The following CDKAL1 variants were observed in gnomAD, a reference collection of about 807,000 sequenced individuals.
CDKAL1 encodes threonylcarbamoyladenosine tRNA methylthiotransferase.
Under a neutral mutation model 68.2 loss-of-function variants are expected in CDKAL1, and 32 were observed. That is an observed-to-expected ratio of 0.47 (90% CI 0.35 to 0.63). The LOEUF is 0.63. CDKAL1 is among the 30% of genes least tolerant of loss of function. The pLI, the probability that CDKAL1 is intolerant of heterozygous loss-of-function variation, is 0.00. For missense variants in CDKAL1, 606 were observed against 696.7 expected, an observed-to-expected ratio of 0.87 and a Z score of 1.47; for synonymous variants, 234 against 244.3, an observed-to-expected ratio of 0.96 and a Z score of 0.39.
At chr6:21,196,480 A>T (rs1778474672) in intron 13 of CDKAL1, among the ~76,000 whole-genome samples, 1 of 152,206 alleles carries the variant, frequency 6.6e-6, no homozygotes, top group Non-Finnish European at 1.5e-5. Flanking sequence ...TCAGACAGTG[A>T]AAAGAGTCTT....
At chr6:20,798,102 G>A (rs923401087) in intron 8 of CDKAL1, among the ~76,000 whole-genome samples, 1 of 151,892 alleles carries the variant, frequency 6.6e-6, no homozygotes, top group Non-Finnish European at 1.5e-5. Context: ...AGGTTTGTAA[G>A]CCACCTCACC....
intron 11 of CDKAL1, among the ~76,000 whole-genome samples, chr6:21,006,033 G>C (rs886556406): frequency 2.6e-5 from 4 of 152,110 alleles, no homozygotes. Context: ...GACTGTGAGT[G>C]AGTCATTGAG....
At chr6:20,545,511 A>G (rs986285177) in intron 2 of CDKAL1, among the ~76,000 whole-genome samples, 3 of 151,994 alleles carry the variant, frequency 2.0e-5, no homozygotes, top group Non-Finnish European at 4.4e-5. Context: ...CTCTCGACTC[A>G]CTGCAACCTC....
At chr6:20,849,522 G>T (rs561933192) in intron 9 of CDKAL1, among the ~76,000 whole-genome samples, 43 of 147,082 alleles carry the variant, frequency 2.9e-4, no homozygotes, top group Non-Finnish European at 5.5e-4. Flanking sequence ...GGCGGAGCTT[G>T]CAGTGAGCTG....
chr6:20,918,597 C>T (rs547038337), intron 9 of CDKAL1, among the ~76,000 whole-genome samples: 63 of 152,258 alleles, frequency 4.1e-4, no homozygotes, highest in African/African-American at 1.5e-3. Flanking sequence ...TATGATTCTA[C>T]CTAGATGTAA....
intron 9 of CDKAL1, among the ~76,000 whole-genome samples, chr6:20,910,557 T>C (rs1762425230): frequency 6.6e-6 from 1 of 152,184 alleles, no homozygotes; most frequent in South Asian, 2.1e-4. Flanking sequence ...GGAATTAGAT[T>C]AGAGTTCTCT....
At chr6:20,574,604 A>G (rs967911728) in intron 4 of CDKAL1, among the ~76,000 whole-genome samples, 2 of 152,140 alleles carry the variant, frequency 1.3e-5, no homozygotes, top group Non-Finnish European at 2.9e-5. Flanking sequence ...CATGACCTAC[A>G]TTAAAAGAGC....
intron 7 of CDKAL1, among the ~76,000 whole-genome samples, chr6:20,762,233 G>A (rs1203972178): frequency 4.6e-5 from 7 of 152,132 alleles, no homozygotes; most frequent in Non-Finnish European, 1.0e-4. Flanking sequence ...ACTGATGAGC[G>A]TGGACTTGAG....
intron 10 of CDKAL1, among the ~76,000 whole-genome samples, chr6:20,991,658 G>A (rs1229726365): frequency 7.3e-6 from 1 of 136,632 alleles, no homozygotes; most frequent in Non-Finnish European, 1.5e-5. Flanking sequence ...AGCGAACGGA[G>A]ATTGTGCCAC....
chr6:20,631,639 T>C (rs536090168), intron 4 of CDKAL1, among the ~76,000 whole-genome samples: 1 of 152,300 alleles, frequency 6.6e-6, no homozygotes, highest in South Asian at 2.1e-4. Context: ...TCAAGGCAAA[T>C]GTTAGAACCT....
intron 5 of CDKAL1, among the ~76,000 whole-genome samples, chr6:20,673,519 A>G (rs572737154): frequency 6.6e-6 from 1 of 152,264 alleles, no homozygotes; most frequent in East Asian, 1.9e-4. Flanking sequence ...TTTTTGATCC[A>G]TGGTTGGTTG....
chr6:20,838,247 T>C (rs1778038111), intron 8 of CDKAL1, among the ~76,000 whole-genome samples: 1 of 152,150 alleles, frequency 6.6e-6, no homozygotes, highest in South Asian at 2.1e-4. Context: ...AATCTCCTAC[T>C]ATGGTAGGAA....
intron 2 of CDKAL1, among the ~76,000 whole-genome samples, chr6:20,543,218 A>G (rs1408076265): frequency 6.6e-6 from 1 of 152,202 alleles, no homozygotes; most frequent in Non-Finnish European, 1.5e-5. Context: ...TCACAGTCAT[A>G]TGATTTGTTT....
intron 4 of CDKAL1, among the ~76,000 whole-genome samples, chr6:20,611,929 G>A (rs577131086): frequency 3.3e-5 from 5 of 152,124 alleles, no homozygotes; most frequent in African/African-American, 9.6e-5. Flanking sequence ...TCCCACTTGC[G>A]ATATCTATTA....
intron 13 of CDKAL1, chr6:21,135,616 C>T (rs1775552773): frequency 1.2e-6 from 1 of 839,910 alleles, no homozygotes; most frequent in South Asian, 5.5e-5. Context: ...TACATAATTA[C>T]AACATAATTT....
chr6:21,104,097 T>C (rs1773724475), intron 12 of CDKAL1, among the ~76,000 whole-genome samples: 1 of 152,178 alleles, frequency 6.6e-6, no homozygotes, highest in African/African-American at 2.4e-5. Context: ...TAGTAAAGGA[T>C]TTCTTCTCAG....
intron 11 of CDKAL1, among the ~76,000 whole-genome samples, chr6:21,061,760 G>C (rs1582120407): frequency 6.6e-6 from 1 of 152,186 alleles, no homozygotes; most frequent in East Asian, 1.9e-4. Flanking sequence ...AATGTAAGTA[G>C]GATCATTTGC....
chr6:21,032,982 T>C (rs920833767), intron 11 of CDKAL1, among the ~76,000 whole-genome samples: 10 of 152,172 alleles, frequency 6.6e-5, no homozygotes, highest in Non-Finnish European at 1.3e-4. Flanking sequence ...CTTTTGACAT[T>C]TGGCTAGATA....
At chr6:20,737,122 G>T (rs1425122301) in intron 5 of CDKAL1, among the ~76,000 whole-genome samples, 1 of 152,050 alleles carries the variant, frequency 6.6e-6, no homozygotes, top group Non-Finnish European at 1.5e-5. Context: ...CTTTGTTCAT[G>T]CTCTAACAAC....
Sources: gnomAD v4.1 joint callset for allele counts (sites outside exome capture counted in the v4.1 genomes callset) on GRCh38, gnomAD v4.1.1 for gene constraint, MANE v1.5 for transcripts, NCBI Gene and HGNC (gene_info 2026-07-23, HGNC 2026-07-21) for gene names.